Variants in CCDC85A observed in about 807,000 individuals in gnomAD.
CCDC85A encodes coiled-coil domain-containing protein 85A.
Under a neutral mutation model 50.2 loss-of-function variants are expected in CCDC85A, and 38 were observed. The observed-to-expected ratio is 0.76, with a 90% confidence interval of 0.58 to 0.99. The LOEUF (loss-of-function observed/expected upper bound fraction) is 0.99. Ranked by LOEUF, CCDC85A falls within the 50% of genes least tolerant of loss-of-function variation. The probability of loss-of-function intolerance (pLI) is 0.00; values close to 1 mark genes in which losing one functional copy is unlikely to be tolerated. For synonymous variants in CCDC85A, 366 were observed against 301.4 expected, an observed-to-expected ratio of 1.21 and a Z score of -2.22; for missense variants, 820 against 742.0, an observed-to-expected ratio of 1.11 and a Z score of -1.22.
intron 2 of CCDC85A, among the ~76,000 whole-genome samples, chr2:56,237,280 G>A (rs932976520): frequency 6.6e-6 from 1 of 152,148 alleles, no homozygotes; most frequent in Non-Finnish European, 1.5e-5. Flanking sequence ...TAATCTACTA[G>A]TAATTCACCA....
chr2:56,350,620 G>A (rs1674870092), intron 3 of CCDC85A, among the ~76,000 whole-genome samples: 2 of 152,120 alleles, frequency 1.3e-5, no homozygotes, highest in Non-Finnish European at 2.9e-5. Context: ...AGCTTGTAAA[G>A]ATGCTGTGAT....
intron 2 of CCDC85A, among the ~76,000 whole-genome samples, chr2:56,292,516 C>G (rs1174414649): frequency 1.3e-5 from 2 of 152,140 alleles, no homozygotes; most frequent in South Asian, 4.1e-4. Context: ...CTCTCAGTCT[C>G]CTGAAAAGAG....
intron 2 of CCDC85A, among the ~76,000 whole-genome samples, chr2:56,303,741 C>T (rs1195426253): frequency 6.6e-6 from 1 of 152,018 alleles, no homozygotes; most frequent in Non-Finnish European, 1.5e-5. Context: ...TTACCATATC[C>T]TTAAAGGTTT....
chr2:56,254,007 T>G (rs1377617631), intron 2 of CCDC85A, among the ~76,000 whole-genome samples: 1 of 152,174 alleles, frequency 6.6e-6, no homozygotes, highest in East Asian at 1.9e-4. Context: ...CTTGTGTATC[T>G]CCTTGCTTAT....
Position 56,184,462 on chromosome 2 carries a change from C to A in CCDC85A, c.-163C>A. The stretch of plus-strand genomic sequence containing the variant: ...CGCGGGGATGGCGAGGTAGGATGGC[C>A]ACCCAGCGCGACCCCCGCCGCCCCA... On this transcript the variant is annotated 5_prime_UTR_variant, in exon 1 of 6. Transcript: ENST00000407595. 3 of 765,214 alleles carry A rather than the reference C, an allele frequency of 3.9e-6. No individual in the cohort carries two copies. The highest frequency in any genetic ancestry group is 5.3e-6 in the Non-Finnish European group (3 of 570,090). The allele number at this position is 765,214 out of a possible 1,614,324, so 47.4% of individuals were successfully genotyped here.
At chr2:56,307,345 A>C (rs542912825) in intron 2 of CCDC85A, among the ~76,000 whole-genome samples, 1 of 152,122 alleles carries the variant, frequency 6.6e-6, no homozygotes, top group Non-Finnish European at 1.5e-5. Context: ...TTTAAAAAAA[A>C]ACTGTGTTCA....
intron 3 of CCDC85A, among the ~76,000 whole-genome samples, chr2:56,351,721 T>G (rs7561763): frequency 0.23 from 33,694 of 143,818 alleles, 3,265 homozygotes; most frequent in African/African-American, 0.4. Context: ...CTTGTCAATT[T>G]GTTTGAGTTC....
At chr2:56,317,849 C>T (rs1448842995) in intron 2 of CCDC85A, among the ~76,000 whole-genome samples, 1 of 152,056 alleles carries the variant, frequency 6.6e-6, no homozygotes, top group Non-Finnish European at 1.5e-5. Flanking sequence ...AAGTAGGAGC[C>T]TTTATGTATG....
At chr2:56,298,791 A>G (rs13416084) in intron 2 of CCDC85A, among the ~76,000 whole-genome samples, 22,128 of 152,146 alleles carry the variant, frequency 0.15, 1,838 homozygotes, top group East Asian at 0.32. Flanking sequence ...AATGTATTTA[A>G]CCATGCATAC....
At chr2:56,219,383 C>G (rs1453244835) in intron 2 of CCDC85A, among the ~76,000 whole-genome samples, 8 of 151,462 alleles carry the variant, frequency 5.3e-5, no homozygotes, top group Non-Finnish European at 8.9e-5. Flanking sequence ...AAAAATAGTC[C>G]ATGATCTTGC....
intron 1 of CCDC85A, among the ~76,000 whole-genome samples, chr2:56,185,483 C>T (rs1397744031): frequency 6.6e-6 from 1 of 152,202 alleles, no homozygotes; most frequent in Admixed American, 6.5e-5. Flanking sequence ...AATTCCTGTG[C>T]TTTCCCTCTC....
At chr2:56,271,440 G>C (rs541307009) in intron 2 of CCDC85A, among the ~76,000 whole-genome samples, 1 of 152,174 alleles carries the variant, frequency 6.6e-6, no homozygotes, top group African/African-American at 2.4e-5. Flanking sequence ...GGGACATTGT[G>C]TGTGAGCCAG....
chr2:56,267,874 G>C (rs932077916), intron 2 of CCDC85A, among the ~76,000 whole-genome samples: 1 of 152,136 alleles, frequency 6.6e-6, no homozygotes, highest in Non-Finnish European at 1.5e-5. Flanking sequence ...AGGTGAAATG[G>C]GTAGTGGTGT....
At chr2:56,198,354 C>T (rs969993524) in intron 2 of CCDC85A, among the ~76,000 whole-genome samples, 9 of 152,202 alleles carry the variant, frequency 5.9e-5, no homozygotes, top group Non-Finnish European at 7.3e-5. Flanking sequence ...AACACCAGAA[C>T]TGATTTTAAT....
At chr2:56,361,333 C>G (rs1361482943) in intron 3 of CCDC85A, among the ~76,000 whole-genome samples, 2 of 151,828 alleles carry the variant, frequency 1.3e-5, no homozygotes, top group Non-Finnish European at 2.9e-5. Context: ...TTCATTTAAT[C>G]TTTTACCCCT....
At chr2:56,191,271 G>A (rs1676284277) in intron 1 of CCDC85A, among the ~76,000 whole-genome samples, 2 of 150,904 alleles carry the variant, frequency 1.3e-5, no homozygotes, top group South Asian at 2.1e-4. Flanking sequence ...TGCTCTATAC[G>A]TGTTTTTTGC....
chr2:56,220,342 AT>A (rs1253601487), intron 2 of CCDC85A, among the ~76,000 whole-genome samples: 6 of 151,898 alleles, frequency 4.0e-5, no homozygotes, highest in Non-Finnish European at 5.9e-5. Flanking sequence ...ATATTTTAGG[AT>A]TTTTTTTAAA....
At chr2:56,332,917 G>T (rs951625611) in intron 2 of CCDC85A, among the ~76,000 whole-genome samples, 1 of 152,242 alleles carries the variant, frequency 6.6e-6, no homozygotes, top group Admixed American at 6.5e-5. Flanking sequence ...TAATGGAAAA[G>T]TATAGGTCTG....
At chr2:56,274,308 T>C (rs1429631387) in intron 2 of CCDC85A, among the ~76,000 whole-genome samples, 1 of 152,132 alleles carries the variant, frequency 6.6e-6, no homozygotes, top group Admixed American at 6.6e-5. Flanking sequence ...GTGTGTATTA[T>C]ATATATAGTG....
Sources: allele counts gnomAD v4.1 joint callset (sites outside exome capture counted in the v4.1 genomes callset), GRCh38; gene constraint gnomAD v4.1.1; transcripts MANE v1.5; gene names NCBI Gene and HGNC (gene_info 2026-07-23, HGNC 2026-07-21).